PARD3: variants seen among roughly 807,000 people sequenced by gnomAD.
The protein encoded by PARD3 is par-3 family cell polarity regulator, also known as partitioning defective 3 homolog.
Under a neutral mutation model 155.4 loss-of-function variants are expected in PARD3, and 75 were observed. That is an observed-to-expected ratio of 0.48 (90% CI 0.40 to 0.58). The LOEUF (loss-of-function observed/expected upper bound fraction) is 0.58. Among genes scored for constraint, PARD3 ranks in the 20% least tolerant of loss-of-function variants. The pLI is 0.00. For missense variants in PARD3, 1,642 were observed against 1,721.7 expected (o/e 0.95, Z 0.82); for synonymous variants, 576 against 610.5 (o/e 0.94, Z 0.83).
chr10:34,359,160 C>G lies in PARD3; in HGVS notation c.2054G>C (p.Ser685Thr), dbSNP rs376178439. Residue 685 changes from serine to threonine, a missense_variant, in exon 14 of 25, where the codon AGC becomes ACC. By Grantham distance (58) the Ser-to-Thr change is moderately conservative. This residue lies in a region of PARD3 where 1,529 missense variants were observed against 1,587.3 expected (regional missense o/e 0.96). Transcript: ENST00000374788. ...MIQLIVARRISKCNELKSPGS... is the reference protein window; with the variant it reads ...MIQLIVARRITKCNELKSPGS... ...TGCATTTCTTACCTCATTGCACTTG[C>G]TTATTCTCCTTGCAACAATAAGCTG... 6.2e-7 allele frequency: 1 copy of G among 1,613,112 alleles called. No homozygotes were observed. Among genetic ancestry groups the G allele is most frequent in the Non-Finnish European group, 8.5e-7 (1 of 1,179,618 alleles).
chr10:34,307,729 G>A (rs887885226), intron 20 of PARD3, among the ~76,000 whole-genome samples: 2 of 152,160 alleles, frequency 1.3e-5, no homozygotes, highest in Non-Finnish European at 2.9e-5. Context: ...GGCAGAGAAT[G>A]GCCACTGAAG....
intron 14 of PARD3, 95 bp from the exon 15 acceptor site, chr10:34,348,210 T>C (rs1226176835): frequency 9.6e-7 from 1 of 1,037,704 alleles, no homozygotes; most frequent in Non-Finnish European, 1.4e-6. Flanking sequence ...GAGGCCTGTA[T>C]CCAACTGGGT....
chr10:34,475,407 G>A (rs573864134), intron 3 of PARD3, among the ~76,000 whole-genome samples: 203 of 152,288 alleles, frequency 1.3e-3, no homozygotes, highest in Non-Finnish European at 1.9e-3. Context: ...ATATGTAGCT[G>A]GAAGAGGGAA....
At chr10:34,772,074 A>G (rs962556411) in intron 1 of PARD3, among the ~76,000 whole-genome samples, 1 of 152,188 alleles carries the variant, frequency 6.6e-6, no homozygotes, top group Non-Finnish European at 1.5e-5. Context: ...GCACCCCTCC[A>G]GGGGTTCCTG....
At chr10:34,206,328 T>C (rs1951479200) in intron 22 of PARD3, among the ~76,000 whole-genome samples, 1 of 152,192 alleles carries the variant, frequency 6.6e-6, no homozygotes, top group Non-Finnish European at 1.5e-5. Context: ...CAGATGTCAT[T>C]CACTATGGTG....
chr10:34,379,440 G>A (rs1429155743), intron 9 of PARD3, among the ~76,000 whole-genome samples: 1 of 152,006 alleles, frequency 6.6e-6, no homozygotes, highest in Non-Finnish European at 1.5e-5. Context: ...ATGGCATACT[G>A]TCTATATGAA....
chr10:34,219,296 A>G (rs758824797), intron 22 of PARD3, among the ~76,000 whole-genome samples: 34 of 152,206 alleles, frequency 2.2e-4, no homozygotes, highest in Non-Finnish European at 3.8e-4. Flanking sequence ...TGCCTGAAAC[A>G]CTGAGAAACA....
At chr10:34,115,991 G>A (rs755483904) in intron 24 of PARD3, among the ~76,000 whole-genome samples, 4 of 152,054 alleles carry the variant, frequency 2.6e-5, no homozygotes, top group African/African-American at 4.8e-5. Flanking sequence ...GATTACAGGC[G>A]TAAGCCACCA....
At chr10:34,656,878 AT>A (rs1229763636) in intron 2 of PARD3, among the ~76,000 whole-genome samples, 1 of 152,228 alleles carries the variant, frequency 6.6e-6, no homozygotes, top group Non-Finnish European at 1.5e-5. Flanking sequence ...CAGATGCTAC[AT>A]AAAAATTGCA....
At chr10:34,345,358 A>G (rs943657692) in intron 15 of PARD3, 100 of 985,100 alleles carry the variant, frequency 1.0e-4, no homozygotes, top group Non-Finnish European at 1.1e-4. Context: ...AGAGTCCTAC[A>G]TAGGGGATTA....
intron 2 of PARD3, among the ~76,000 whole-genome samples, chr10:34,642,101 G>C (rs1045770727): frequency 2.2e-4 from 33 of 152,040 alleles, no homozygotes; most frequent in African/African-American, 7.7e-4. Context: ...CTGTAAGCAC[G>C]GCCCCTGTCC....
In PARD3 at chr10:34,285,310, A is replaced by G. The variant is rs1421816017; in HGVS notation, c.3066-1065T>C. Among the ~76,000 whole-genome samples, 6 of 152,316 alleles carry G rather than the reference A, an allele frequency of 3.9e-5. No individual in the cohort carries two copies. The South Asian group carries it at 1.2e-3, about 32-fold the overall frequency. On this transcript the variant is annotated intron_variant, in intron 20 of 24. Transcript: ENST00000374788. ...CCCAGTGGTTCACGCCTGTAATTCT[A>G]GCACTTTGGGAGGCTGAGGCTTTGG... is the stretch of plus-strand genomic sequence containing the variant.
At chr10:34,140,109 T>A (rs945673484) in intron 22 of PARD3, among the ~76,000 whole-genome samples, 2 of 152,116 alleles carry the variant, frequency 1.3e-5, no homozygotes, top group African/African-American at 4.8e-5. Context: ...TTGCTTTTGT[T>A]TTTCGTTGTT....
chr10:34,542,098 A>G (rs934940278), intron 2 of PARD3, among the ~76,000 whole-genome samples: 6 of 152,196 alleles, frequency 3.9e-5, no homozygotes, highest in Admixed American at 1.3e-4. Context: ...TCAGAAAAAT[A>G]TCCTCACAAA....
chr10:34,324,902 T>G (rs1324930931), intron 19 of PARD3, among the ~76,000 whole-genome samples: 1 of 152,178 alleles, frequency 6.6e-6, no homozygotes, highest in Non-Finnish European at 1.5e-5. Flanking sequence ...CTCCTTGCCC[T>G]GACGTTACTA....
At chr10:34,215,949 C>T (rs1197207079) in intron 22 of PARD3, among the ~76,000 whole-genome samples, 1 of 152,050 alleles carries the variant, frequency 6.6e-6, no homozygotes, top group East Asian at 1.9e-4. Flanking sequence ...ACACTTTTTG[C>T]ATTAAATATG....
intron 1 of PARD3, among the ~76,000 whole-genome samples, chr10:34,746,000 G>A (rs1353035534): frequency 6.6e-6 from 1 of 152,140 alleles, no homozygotes; most frequent in Non-Finnish European, 1.5e-5. Flanking sequence ...TACTCGGGAG[G>A]CTGAGGCAGG....
intron 22 of PARD3, among the ~76,000 whole-genome samples, chr10:34,248,094 T>C (rs1224745284): frequency 1.3e-5 from 2 of 152,344 alleles, no homozygotes; most frequent in East Asian, 1.9e-4. Context: ...TGATGAAAGA[T>C]AATCTGCATT....
chr10:34,701,509 T>G (rs1237965885), intron 1 of PARD3, among the ~76,000 whole-genome samples: 1 of 151,974 alleles, frequency 6.6e-6, no homozygotes, highest in Non-Finnish European at 1.5e-5. Flanking sequence ...AAGGTAACTG[T>G]GGGGAAAGCC....
Sources: gnomAD v4.1 joint callset for allele counts (sites outside exome capture counted in the v4.1 genomes callset) on GRCh38, gnomAD v4.1.1 for gene constraint, gnomAD v4.1.1 regional missense constraint, MANE v1.5 for transcripts, NCBI Gene and HGNC (gene_info 2026-07-23, HGNC 2026-07-21) for gene names.